Variants in ADD1 observed in about 807,000 individuals in gnomAD.
ADD1 encodes the protein alpha-adducin.
ADD1 carries 24 observed loss-of-function variants against 80.5 expected under a neutral mutation model. The ratio of observed to expected loss-of-function variants is 0.30; its 90% CI spans 0.22 to 0.42. The LOEUF (loss-of-function observed/expected upper bound fraction) is 0.42, where lower values mean the gene tolerates loss of function less well. Ranked by LOEUF, ADD1 falls within the 10% of genes least tolerant of loss-of-function variation. ADD1 has a pLI of 1.00. For missense variants in ADD1, 948 were observed against 1,019.0 expected, an observed-to-expected ratio of 0.93 and a Z score of 0.95; for synonymous variants, 373 against 393.8, an observed-to-expected ratio of 0.95 and a Z score of 0.63.
At chr4:2,896,668 T>C (rs539904611) in intron 6 of ADD1, among the ~76,000 whole-genome samples, 21 of 152,278 alleles carry the variant, frequency 1.4e-4, no homozygotes, top group African/African-American at 4.6e-4. Context: ...AAAGAATGCA[T>C]GTCACTCCAG....
intron 9 of ADD1, chr4:2,901,980 C>G (rs1162075293): frequency 6.7e-6 from 1 of 150,064 alleles, no homozygotes; most frequent in Non-Finnish European, 1.5e-5. Flanking sequence ...GTGTTGAACT[C>G]CTGGGCTGAA....
chr4:2,884,733 C>G, intron 4 of ADD1, 67 bp downstream of exon 4: 3 of 1,469,730 alleles, frequency 2.0e-6, no homozygotes, highest in Non-Finnish European at 2.7e-6. Flanking sequence ...CCACCTCTTT[C>G]CATTTAGGAG....
intron 2 of ADD1, among the ~76,000 whole-genome samples, chr4:2,880,452 T>C (rs1732069143): frequency 6.9e-6 from 1 of 144,226 alleles, no homozygotes; most frequent in Non-Finnish European, 1.5e-5. Context: ...TGACAAGATA[T>C]TTCTTTCTTT....
intron 1 of ADD1, among the ~76,000 whole-genome samples, chr4:2,864,792 A>G (rs1370492612): frequency 6.6e-6 from 1 of 152,040 alleles, no homozygotes; most frequent in African/African-American, 2.4e-5. Flanking sequence ...GATGCTTATT[A>G]TTTTATTCAC....
intron 1 of ADD1, among the ~76,000 whole-genome samples, chr4:2,866,868 C>A (rs1409594124): frequency 3.3e-5 from 5 of 152,126 alleles, no homozygotes; most frequent in South Asian, 4.1e-4. Flanking sequence ...CCCAGGAGTT[C>A]AAGACCAGCC....
chr4:2,926,749 ATTAAG>A lies in ADD1; in HGVS notation c.2047+640_2047+644del. 11 of 1,501,912 alleles carry A rather than the reference ATTAAG, an allele frequency of 7.3e-6. No individual in the cohort carries two copies. Among genetic ancestry groups the A allele is most frequent in the South Asian group, 1.2e-5 (1 of 84,084 alleles). 93.0% of individuals were successfully genotyped at this position (1,501,912 alleles called of 1,614,324 possible). A position where few individuals can be genotyped will look rare whatever the true frequency, so the allele number is the denominator to read the frequency against. On this transcript the variant is annotated intron_variant, in intron 15 of 15. Transcript: ENST00000683351. The surrounding 1 kb of genome is among the most constrained non-coding windows in gnomAD (Gnocchi z 5.0). The stretch of plus-strand genomic sequence containing the variant: ...TCATTCTCCTGCTTCTTTGTTGTTT[ATTAAG>A]TTTTGTTTTCTGTTTATTTAAAATA...
intron 1 of ADD1, among the ~76,000 whole-genome samples, chr4:2,872,852 G>A (rs189698047): frequency 8.5e-4 from 130 of 152,144 alleles, no homozygotes; most frequent in Middle Eastern, 3.4e-3. Context: ...GAGCCACCAC[G>A]CCTGACCTGT....
intron 1 of ADD1, among the ~76,000 whole-genome samples, chr4:2,872,309 T>C (rs1414172489): frequency 1.3e-5 from 2 of 152,204 alleles, no homozygotes; most frequent in Non-Finnish European, 2.9e-5. Context: ...ATGTATTACA[T>C]AAGTAAAATC....
intron 12 of ADD1, 68 bp from the exon 13 acceptor site, chr4:2,909,271 C>A: frequency 7.4e-7 from 1 of 1,347,700 alleles, no homozygotes; most frequent in Non-Finnish European, 1.0e-6. Flanking sequence ...CAGCTCCATC[C>A]TGTGCTCTCA....
chr4:2,871,235 T>G (rs1730403960), intron 1 of ADD1, among the ~76,000 whole-genome samples: 1 of 152,066 alleles, frequency 6.6e-6, no homozygotes, highest in African/African-American at 2.4e-5. Flanking sequence ...CCTCCCAAAG[T>G]GCTGTGATTA....
chr4:2,915,549 G>A (rs1560243857), intron 14 of ADD1, among the ~76,000 whole-genome samples: 9 of 152,228 alleles, frequency 5.9e-5, no homozygotes, highest in Admixed American at 5.2e-4. Flanking sequence ...GCTGAGGCAG[G>A]AGAATGGCGT....
intron 4 of ADD1, among the ~76,000 whole-genome samples, chr4:2,892,402 T>C (rs1734442561): frequency 6.6e-6 from 1 of 152,224 alleles, no homozygotes; most frequent in Admixed American, 6.5e-5. Context: ...TACTGCTGTA[T>C]TCCTAGTGTC....
chr4:2,918,460 CAG>C (rs758365616), intron 14 of ADD1, among the ~76,000 whole-genome samples: 2 of 152,172 alleles, frequency 1.3e-5, no homozygotes, highest in African/African-American at 4.8e-5. Context: ...CATCTGAAAA[CAG>C]AGACAATTTG....
At chr4:2,921,031 G>A (rs1024453247) in intron 14 of ADD1, among the ~76,000 whole-genome samples, 7 of 152,180 alleles carry the variant, frequency 4.6e-5, no homozygotes, top group Non-Finnish European at 1.0e-4. Context: ...GGCAGGCCTG[G>A]TGGTGAGAAA....
chr4:2,867,851 G>GA (rs930311163), intron 1 of ADD1: 1 of 152,198 alleles, frequency 6.6e-6, no homozygotes, highest in African/African-American at 2.4e-5. Context: ...CAGGCAGCCC[G>GA]AGTTCAGACT....
At chr4:2,856,580 T>C (rs2108807650) in intron 1 of ADD1, among the ~76,000 whole-genome samples, 1 of 149,110 alleles carries the variant, frequency 6.7e-6, no homozygotes, top group East Asian at 1.9e-4. Flanking sequence ...AAATGGTTAC[T>C]AGAGTTTTTT....
chr4:2,928,562 G>A lies in ADD1; in HGVS notation c.*39G>A. The A allele has an allele frequency of 6.3e-7, 1 of 1,580,078 alleles. No individual in the cohort carries two copies. Among genetic ancestry groups the A allele is most frequent in the Non-Finnish European group, 8.6e-7 (1 of 1,165,908 alleles). On this transcript the variant is annotated 3_prime_UTR_variant, in exon 16 of 16. Coordinates refer to ENST00000683351, the MANE Select transcript of ADD1 (RefSeq NM_001354761.2). ...ACACTGTCCTGTCCGGAGCGACCCTGGCTCTGCCAGCGTCCCCGGCCACGT... is the reference window on the plus strand; with the variant it reads ...ACACTGTCCTGTCCGGAGCGACCCTAGCTCTGCCAGCGTCCCCGGCCACGT...
At chr4:2,876,652 C>T (rs777069666) in intron 2 of ADD1, among the ~76,000 whole-genome samples, 7 of 151,936 alleles carry the variant, frequency 4.6e-5, no homozygotes, top group Non-Finnish European at 8.8e-5. Flanking sequence ...CTGGCTAACA[C>T]GGTGAAAACC....
intron 2 of ADD1, among the ~76,000 whole-genome samples, chr4:2,878,217 G>T (rs1407685060): frequency 6.6e-6 from 1 of 152,184 alleles, no homozygotes; most frequent in Non-Finnish European, 1.5e-5. Flanking sequence ...AGGACAAACG[G>T]TATTTTAAAG....
Sources: allele counts gnomAD v4.1 joint callset (sites outside exome capture counted in the v4.1 genomes callset), GRCh38; gene constraint gnomAD v4.1.1; non-coding constraint Gnocchi (gnomAD v3.1); transcripts MANE v1.5; gene names NCBI Gene and HGNC (gene_info 2026-07-23, HGNC 2026-07-21).